SNAP91: variants seen among roughly 807,000 people sequenced by gnomAD.
The protein encoded by SNAP91 is clathrin coat assembly protein AP180.
Under a neutral mutation model 100.3 loss-of-function variants are expected in SNAP91, and 27 were observed. The observed-to-expected ratio is 0.27, with a 90% CI of 0.20 to 0.37. The LOEUF (loss-of-function observed/expected upper bound fraction) is 0.37. Among genes scored for constraint, SNAP91 ranks in the 10% least tolerant of loss-of-function variants. The pLI, the probability that SNAP91 is intolerant of heterozygous loss-of-function variation, is 1.00. For synonymous variants in SNAP91, 404 were observed against 398.6 expected (o/e 1.01, Z -0.16); for missense variants, 986 against 1,123.7 (o/e 0.88, Z 1.75).
intron 26 of SNAP91, among the ~76,000 whole-genome samples, chr6:83,572,316 G>A (rs912698340): frequency 6.6e-6 from 1 of 151,976 alleles, no homozygotes; most frequent in Middle Eastern, 3.2e-3. Context: ...GCACAATCTC[G>A]GCTCACTGCA....
chr6:83,590,267 C>G (rs1373387131), intron 22 of SNAP91, among the ~76,000 whole-genome samples: 2 of 152,162 alleles, frequency 1.3e-5, no homozygotes, highest in East Asian at 3.8e-4. Context: ...CTTAAACTTA[C>G]TACTGTGGTC....
chr6:83,618,782 G>GA (rs1454165330), intron 9 of SNAP91, among the ~76,000 whole-genome samples: 2 of 151,066 alleles, frequency 1.3e-5, no homozygotes, highest in Admixed American at 6.6e-5. Context: ...TCGCAGTAAG[G>GA]AAAAAAAATA....
At chr6:83,593,818 G>GTTATTT in intron 17 of SNAP91, 77 bp from the exon 18 acceptor site, 1 of 1,503,770 alleles carries the variant, frequency 6.6e-7, no homozygotes, top group East Asian at 2.3e-5. Flanking sequence ...ACTATGGCAA[G>GTTATTT]AGACACCTTA....
At chr6:83,560,025 CTT>C (rs1784689745) in intron 28 of SNAP91, 77 bp downstream of exon 28, 7 of 1,257,962 alleles carry the variant, frequency 5.6e-6, no homozygotes, top group Admixed American at 5.2e-5. Context: ...GGTAAAAACA[CTT>C]TTTAAACAGT....
At chr6:83,575,313 T>C (rs1816507736) in intron 25 of SNAP91, 192 bp from the exon 26 acceptor site, 2 of 573,656 alleles carry the variant, frequency 3.5e-6, no homozygotes, top group African/African-American at 1.9e-5. Context: ...CTTAAAAGCA[T>C]TTGAAAAAAA....
At chr6:83,610,733 AT>A (rs2095983025) in intron 11 of SNAP91, 56 bp from the exon 12 acceptor site, 1 of 209,346 alleles carries the variant, frequency 4.8e-6, no homozygotes, top group African/African-American at 4.3e-5. Flanking sequence ...ATATATATAT[AT>A]ATATATATAT....
At chr6:83,593,768 C>T in intron 17 of SNAP91, 27 bp from the exon 18 acceptor site, 1 of 1,536,984 alleles carries the variant, frequency 6.5e-7, no homozygotes, top group Non-Finnish European at 8.8e-7. Context: ...TGGAGACACA[C>T]ACAGCATCAG....
At chr6:83,572,530 G>A (rs1308853317) in intron 26 of SNAP91, among the ~76,000 whole-genome samples, 2 of 152,102 alleles carry the variant, frequency 1.3e-5, no homozygotes, top group Non-Finnish European at 2.9e-5. Flanking sequence ...GGGATTACAG[G>A]CATGAGCCAC....
chr6:83,603,276 A>G (rs2095396820), intron 14 of SNAP91, among the ~76,000 whole-genome samples: 1 of 152,182 alleles, frequency 6.6e-6, no homozygotes. Context: ...TACTATGGAA[A>G]CTGCTTTACC....
intron 28 of SNAP91, among the ~76,000 whole-genome samples, 175 bp downstream of exon 28, chr6:83,559,929 A>G (rs1784479885): frequency 6.6e-6 from 1 of 152,124 alleles, no homozygotes; most frequent in Non-Finnish European, 1.5e-5. Flanking sequence ...TATTTCCATC[A>G]CTTTTTCCCC....
At chr6:83,661,451 G>T in intron 5 of SNAP91, 51 bp downstream of exon 5, 2 of 1,095,738 alleles carry the variant, frequency 1.8e-6, no homozygotes, top group Non-Finnish European at 2.7e-6. Flanking sequence ...AATCAAGTAT[G>T]CCTCAAAGAC....
intron 2 of SNAP91, among the ~76,000 whole-genome samples, chr6:83,670,715 C>A (rs1401915376): frequency 6.6e-6 from 1 of 151,650 alleles, no homozygotes; most frequent in Non-Finnish European, 1.5e-5. Flanking sequence ...CATTTTTCTG[C>A]ATATGGATAT....
At chr6:83,678,508 G>A (rs553924389) in intron 2 of SNAP91, among the ~76,000 whole-genome samples, 1 of 152,276 alleles carries the variant, frequency 6.6e-6, no homozygotes, top group African/African-American at 2.4e-5. Flanking sequence ...CAATCAAGCT[G>A]CCTACCCACA....
chr6:83,574,325 C>T (rs1814161583), intron 26 of SNAP91, among the ~76,000 whole-genome samples: 1 of 152,106 alleles, frequency 6.6e-6, no homozygotes, highest in Admixed American at 6.5e-5. Context: ...TTTCACAAAG[C>T]AATAGTTAGT....
intron 26 of SNAP91, among the ~76,000 whole-genome samples, chr6:83,573,974 C>T (rs1813401279): frequency 6.6e-6 from 1 of 152,190 alleles, no homozygotes. Context: ...AACTAAAGAG[C>T]TTCTGCACAG....
At chr6:83,709,209 A>G (rs987410747), upstream of SNAP91, 4 of 152,082 alleles carry the variant, frequency 2.6e-5, no homozygotes, top group African/African-American at 9.7e-5. Context: ...GCCCCCTCCC[A>G]GCTACTCACA....
At position 83,601,386 on chromosome 6, in the gene SNAP91, T is replaced by C. The variant is rs116120884; in HGVS notation, c.1209A>G (p.Pro403=). The C allele has an allele frequency of 1.0e-3, 1,607 of 1,613,548 alleles. 3 individuals are homozygous for C. The African/African-American group carries it at 0.017, about 17-fold the overall frequency. ...SVPSEAQISD[P]FAPEPTPPTT... is the part of the protein sequence containing the mutation. The stretch of plus-strand genomic sequence containing the variant: ...TAGGAGGGGTAGGTTCTGGTGCAAA[T>C]GGATCTGAAATCTGTGCTTCAGAGG... The change falls in exon 16 of 30, where the codon CCA becomes CCG. Residue 403 remains proline, a synonymous_variant. Coordinates refer to ENST00000369694, the MANE Select transcript of SNAP91 (RefSeq NM_001242792.2).
chr6:83,661,807 T>C (rs537728151), intron 4 of SNAP91, among the ~76,000 whole-genome samples: 1 of 152,334 alleles, frequency 6.6e-6, no homozygotes, highest in South Asian at 2.1e-4. Context: ...TTCAATTACT[T>C]ATTCCACCAT....
Position 83,664,227 on chromosome 6 carries a change from A to T in SNAP91, c.273+1212T>A, listed in dbSNP as rs191885333. 2.1e-4 allele frequency among the ~76,000 whole-genome samples: 32 copies of T among 152,318 alleles called. No homozygotes were observed. In the East Asian group the frequency reaches 5.8e-3, roughly 28 times the overall value. ...ACTGCTAACACAACATTCATTGTGC[A>T]GCCCATGGATCAAGGAGTAATTTTT... is the stretch of plus-strand genomic sequence containing the variant. On this transcript the variant is annotated intron_variant, in intron 3 of 29. Transcript: ENST00000369694.
Sources: gnomAD v4.1 joint callset for allele counts (sites outside exome capture counted in the v4.1 genomes callset) on GRCh38, gnomAD v4.1.1 for gene constraint, MANE v1.5 for transcripts, NCBI Gene and HGNC (gene_info 2026-07-23, HGNC 2026-07-21) for gene names.